The following PDE12 variants were observed in gnomAD, a reference collection of about 807,000 sequenced individuals.
PDE12 encodes phosphodiesterase 12.
Under a neutral mutation model 45.4 loss-of-function variants are expected in PDE12, and 26 were observed. The ratio of observed to expected loss-of-function variants is 0.57; its 90% CI spans 0.42 to 0.79. The LOEUF (loss-of-function observed/expected upper bound fraction) is 0.79, where lower values mean the gene tolerates loss of function less well. Among genes scored for constraint, PDE12 ranks in the 30% least tolerant of loss-of-function variants. The pLI, the probability that PDE12 is intolerant of heterozygous loss-of-function variation, is 0.00. For missense variants in PDE12, 668 were observed against 790.0 expected (o/e 0.85, Z 1.85); for synonymous variants, 283 against 323.9 (o/e 0.87, Z 1.36).
the PDE12 span, chr3:57,596,659 G>C: frequency 5.4e-6 from 1 of 186,836 alleles, no homozygotes; most frequent in African/African-American, 2.4e-5. Flanking sequence ...GAAGGGGAGG[G>C]AAAAGGCTGG....
At chr3:57,594,094 A>G in the PDE12 span, among the ~76,000 whole-genome samples, 3 of 152,064 alleles carry the variant, frequency 2.0e-5, no homozygotes, top group South Asian at 4.1e-4. Flanking sequence ...CGTCTCTACT[A>G]AAAATACAAA....
the PDE12 span, among the ~76,000 whole-genome samples, chr3:57,604,069 G>A: frequency 7.6e-3 from 1,154 of 151,522 alleles, 10 homozygotes; most frequent in Middle Eastern, 0.017. Context: ...GATTACAGGC[G>A]CCTGCCACCA....
downstream of PDE12, among the ~76,000 whole-genome samples, chr3:57,568,312 A>G (rs1484155610): frequency 6.6e-6 from 1 of 151,674 alleles, no homozygotes; most frequent in African/African-American, 2.4e-5. Context: ...AAAATTAGCC[A>G]AGACTGATGG....
the PDE12 span, among the ~76,000 whole-genome samples, chr3:57,593,829 G>C: frequency 3.9e-5 from 6 of 152,094 alleles, no homozygotes; most frequent in Non-Finnish European, 8.8e-5. Flanking sequence ...TTCAGCCCAA[G>C]AACAGGCAAG....
the PDE12 span, chr3:57,628,058 G>A: frequency 1.9e-6 from 2 of 1,032,234 alleles, no homozygotes; most frequent in South Asian, 3.9e-5. Flanking sequence ...CACTAAAAAG[G>A]TCTGTTTATA....
At chr3:57,571,006 G>C (rs776525469), downstream of PDE12, among the ~76,000 whole-genome samples, 1 of 148,516 alleles carries the variant, frequency 6.7e-6, no homozygotes, top group Non-Finnish European at 1.5e-5. Flanking sequence ...TTTGTTTTTA[G>C]TTTTTTAAGT....
the PDE12 span, chr3:57,584,323 G>A: frequency 7.5e-7 from 1 of 1,337,818 alleles, no homozygotes; most frequent in Non-Finnish European, 1.1e-6. Flanking sequence ...CTCAAAACTA[G>A]ACTGTATATA....
In PDE12 at chr3:57,561,625, T is replaced by C; in HGVS notation, c.*1621T>C. ...GTTCAGGATAACTATGTTATCTCAT[T>C]TCTGCATTTAATTAATAGCTCGAGT... On this transcript the variant is annotated 3_prime_UTR_variant, in exon 3 of 3. Transcript: ENST00000311180. 1 of 985,280 alleles carries C rather than the reference T, an allele frequency of 1.0e-6. No individual in the cohort carries two copies. The highest frequency in any genetic ancestry group is 1.2e-6 in the Non-Finnish European group (1 of 829,806). 61.0% of individuals were successfully genotyped at this position (985,280 alleles called of 1,614,324 possible). A position where few individuals can be genotyped will look rare whatever the true frequency, so the allele number is the denominator to read the frequency against.
At chr3:57,582,422 T>C in the PDE12 span, among the ~76,000 whole-genome samples, 1 of 142,438 alleles carries the variant, frequency 7.0e-6, no homozygotes, top group Non-Finnish European at 1.6e-5. Flanking sequence ...TTTGTATTTT[T>C]AGTAAAGACG....
the PDE12 span, among the ~76,000 whole-genome samples, chr3:57,648,848 T>C: frequency 6.6e-6 from 1 of 152,126 alleles, no homozygotes; most frequent in South Asian, 2.1e-4. Flanking sequence ...TCATCTCTCA[T>C]CCTTTACAAA....
At chr3:57,628,279 C>A in the PDE12 span, 1 of 1,614,162 alleles carries the variant, frequency 6.2e-7, no homozygotes, top group Non-Finnish European at 8.5e-7. Context: ...ATAATGGCAT[C>A]TATGTGTGTC....
At chr3:57,571,528 A>G (rs2069843266), downstream of PDE12, 1 of 152,686 alleles carries the variant, frequency 6.5e-6, no homozygotes, top group Non-Finnish European at 1.5e-5. Context: ...CAGGCTGATA[A>G]CAAAAGCAAC....
In PDE12 at chr3:57,564,600, A is replaced by G. The variant is rs1242760683; in HGVS notation, c.*4596A>G. The G allele has an allele frequency of 6.6e-6, 1 of 151,984 alleles. No individual in the cohort carries two copies. The highest frequency in any genetic ancestry group is 2.4e-5 in the African/African-American group (1 of 41,370). 9.4% of individuals were successfully genotyped at this position (151,984 alleles called of 1,614,324 possible). On this transcript the variant is annotated 3_prime_UTR_variant, in exon 3 of 3. Coordinates refer to ENST00000311180, the MANE Select transcript of PDE12 (RefSeq NM_177966.7). ...CATTTGTGTTCCTTATATATTGAAG[A>G]TGGTTCAGTAGGGGAAATGGATAGG...
At chr3:57,650,400 GTATA>G in the PDE12 span, among the ~76,000 whole-genome samples, 11 of 145,910 alleles carry the variant, frequency 7.5e-5, no homozygotes, top group African/African-American at 2.5e-4. Context: ...ATATGAGTGT[GTATA>G]TATACATGCA....
the PDE12 span, among the ~76,000 whole-genome samples, chr3:57,622,933 T>C: frequency 1.3e-5 from 2 of 152,088 alleles, no homozygotes; most frequent in African/African-American, 4.8e-5. Context: ...TACTGGTTGT[T>C]TGGGGGAGAC....
chr3:57,630,915 A>G, the PDE12 span: 1 of 1,613,162 alleles, frequency 6.2e-7, no homozygotes, highest in Non-Finnish European at 8.5e-7. Flanking sequence ...AGATTTGAAT[A>G]TATTCATACC....
chr3:57,582,833 A>G, the PDE12 span, among the ~76,000 whole-genome samples: 3 of 152,254 alleles, frequency 2.0e-5, 1 homozygote, highest in South Asian at 4.1e-4. Flanking sequence ...GGTTAAACAA[A>G]GGTAGAGTGA....
At chr3:57,591,129 G>A in the PDE12 span, among the ~76,000 whole-genome samples, 8 of 152,148 alleles carry the variant, frequency 5.3e-5, no homozygotes, top group Non-Finnish European at 1.5e-5. Context: ...TAGTGGGGAT[G>A]TAAACGAGGA....
chr3:57,597,912 G>C, the PDE12 span: 3 of 152,160 alleles, frequency 2.0e-5, no homozygotes, highest in African/African-American at 4.8e-5. Flanking sequence ...GCTGACTTGT[G>C]GGCCGAGAAA....
Sources: allele counts gnomAD v4.1 joint callset (sites outside exome capture counted in the v4.1 genomes callset), GRCh38; gene constraint gnomAD v4.1.1; transcripts MANE v1.5; gene names NCBI Gene and HGNC (gene_info 2026-07-23, HGNC 2026-07-21).